SLC35F4: variants seen among roughly 807,000 people sequenced by gnomAD.
SLC35F4 encodes the protein solute carrier family 35 member F4, also known as chromosome 14 open reading frame 36.
SLC35F4 carries 24 observed loss-of-function variants against 44.2 expected under a neutral mutation model. The ratio of observed to expected loss-of-function variants is 0.54; its 90% CI spans 0.39 to 0.76. The LOEUF is 0.76. Among genes scored for constraint, SLC35F4 ranks in the 30% least tolerant of loss-of-function variants. The probability of loss-of-function intolerance (pLI) is 0.00; values close to 1 mark genes in which losing one functional copy is unlikely to be tolerated. For missense variants in SLC35F4, 562 were observed against 586.1 expected, an observed-to-expected ratio of 0.96 and a Z score of 0.42; for synonymous variants, 238 against 223.6, an observed-to-expected ratio of 1.06 and a Z score of -0.57.
chr14:57,916,450 G>A (rs1416428174), intron 1 of SLC35F4, among the ~76,000 whole-genome samples: 1 of 152,182 alleles, frequency 6.6e-6, no homozygotes, highest in Non-Finnish European at 1.5e-5. Context: ...ATATGCCCAA[G>A]TGTAGGATCT....
At chr14:57,797,410 A>C (rs529800489) in intron 1 of SLC35F4, among the ~76,000 whole-genome samples, 33 of 152,316 alleles carry the variant, frequency 2.2e-4, no homozygotes, top group Non-Finnish European at 4.0e-4. Context: ...GCTGGGTCAA[A>C]AGGGAAAGGA....
chr14:57,813,078 C>G (rs1256061002), intron 1 of SLC35F4, among the ~76,000 whole-genome samples: 1 of 152,126 alleles, frequency 6.6e-6, no homozygotes, highest in Non-Finnish European at 1.5e-5. Flanking sequence ...GAAACAGGCA[C>G]AGAGAGGCTA....
intron 1 of SLC35F4, among the ~76,000 whole-genome samples, chr14:57,915,246 C>T (rs770807294): frequency 6.6e-6 from 1 of 152,064 alleles, no homozygotes; most frequent in Non-Finnish European, 1.5e-5. Flanking sequence ...CCTTTTAGAG[C>T]TCTAGGCCTA....
chr14:57,626,495 G>A (rs576769125), intron 1 of SLC35F4, among the ~76,000 whole-genome samples: 1 of 152,142 alleles, frequency 6.6e-6, no homozygotes, highest in East Asian at 1.9e-4. Context: ...GGACATCTGG[G>A]GACTTCAGGA....
At chr14:57,942,854 C>G (rs1889938966) in intron 1 of SLC35F4, among the ~76,000 whole-genome samples, 1 of 152,146 alleles carries the variant, frequency 6.6e-6, no homozygotes, top group Admixed American at 6.6e-5. Context: ...CTAATCTGAC[C>G]TTTCCAACTG....
At chr14:57,807,246 G>C (rs1333200749) in intron 1 of SLC35F4, among the ~76,000 whole-genome samples, 1 of 152,064 alleles carries the variant, frequency 6.6e-6, no homozygotes, top group Non-Finnish European at 1.5e-5. Flanking sequence ...TTGAGAGCAT[G>C]AGTTCTCTCT....
rs75829591 is a variant in SLC35F4, at chr14:57,674,716, G to A, written c.104-80592C>T. Among the ~76,000 whole-genome samples, 23 of 152,112 alleles carry A rather than the reference G, an allele frequency of 1.5e-4. No individual in the cohort carries two copies. In the East Asian group the frequency reaches 4.3e-3, roughly 28 times the overall value. ...TTGGTAAAAGACATAAGACTCCTGG[G>A]TCAGAGAAAAAATGACTTTATTACT... On this transcript the variant is annotated intron_variant, in intron 1 of 7. Coordinates refer to ENST00000556826, the MANE Select transcript of SLC35F4 (RefSeq NM_001306087.2).
intron 1 of SLC35F4, among the ~76,000 whole-genome samples, chr14:57,617,419 C>T (rs1305426618): frequency 5.3e-5 from 8 of 151,836 alleles, no homozygotes; most frequent in Non-Finnish European, 1.0e-4. Context: ...CATGAGCCAC[C>T]GCGCCTGGCC....
At chr14:57,594,256 C>T in intron 1 of SLC35F4, 132 bp from the exon 2 acceptor site, 2 of 861,134 alleles carry the variant, frequency 2.3e-6, no homozygotes, top group Non-Finnish European at 1.7e-6. Context: ...GTGGTGTGAT[C>T]TCGAGTCACT....
intron 1 of SLC35F4, chr14:57,630,449 A>G (rs1404314982): frequency 5.2e-6 from 4 of 770,388 alleles, no homozygotes; most frequent in Non-Finnish European, 9.2e-6. Flanking sequence ...ATCACGGTCC[A>G]AGTCCCAGCC....
chr14:57,605,753 A>ACCATG (rs2071124376), intron 1 of SLC35F4, among the ~76,000 whole-genome samples: 1 of 152,282 alleles, frequency 6.6e-6, no homozygotes, highest in South Asian at 2.1e-4. Context: ...AAAGTGGTAC[A>ACCATG]GATACACCAT....
chr14:57,622,022 C>A (rs2072208720), intron 1 of SLC35F4, among the ~76,000 whole-genome samples: 1 of 151,162 alleles, frequency 6.6e-6, no homozygotes, highest in South Asian at 2.1e-4. Flanking sequence ...TGAACAGACA[C>A]TTCTCAAAAG....
intron 1 of SLC35F4, among the ~76,000 whole-genome samples, chr14:57,820,236 C>A (rs1278965048): frequency 6.6e-6 from 1 of 152,070 alleles, no homozygotes; most frequent in South Asian, 2.1e-4. Context: ...TACACACACA[C>A]AAAACATAAA....
intron 1 of SLC35F4, among the ~76,000 whole-genome samples, chr14:57,603,413 T>A (rs2070951852): frequency 6.6e-6 from 1 of 152,092 alleles, no homozygotes; most frequent in South Asian, 2.1e-4. Context: ...TTAGGGGGAG[T>A]TCCCCCTCCC....
chr14:57,954,187 T>C (rs1890194921), intron 1 of SLC35F4, among the ~76,000 whole-genome samples: 1 of 151,962 alleles, frequency 6.6e-6, no homozygotes, highest in Admixed American at 6.5e-5. Context: ...ACTGGGTAAA[T>C]AACAAAATTA....
At chr14:57,585,333 T>A (rs1305403490) in intron 3 of SLC35F4, among the ~76,000 whole-genome samples, 4 of 152,140 alleles carry the variant, frequency 2.6e-5, no homozygotes, top group African/African-American at 9.7e-5. Context: ...GGATGGAACG[T>A]ATCTATCTCA....
intron 1 of SLC35F4, among the ~76,000 whole-genome samples, chr14:57,906,052 C>G (rs965667891): frequency 6.6e-6 from 1 of 152,204 alleles, no homozygotes; most frequent in African/African-American, 2.4e-5. Flanking sequence ...CCAGAACACA[C>G]GTCTAGCACT....
intron 1 of SLC35F4, among the ~76,000 whole-genome samples, chr14:57,683,917 G>C (rs566994531): frequency 6.6e-6 from 1 of 152,154 alleles, no homozygotes; most frequent in East Asian, 1.9e-4. Flanking sequence ...CATAGGAGTG[G>C]CCATCTGATG....
chr14:57,725,616 C>G (rs2180806), intron 1 of SLC35F4, among the ~76,000 whole-genome samples: 60,433 of 152,020 alleles, frequency 0.4, 12,053 homozygotes, highest in Middle Eastern at 0.43. Context: ...GTCAGCTCAT[C>G]CTCATGGAAC....
Sources: allele counts gnomAD v4.1 joint callset (sites outside exome capture counted in the v4.1 genomes callset), GRCh38; gene constraint gnomAD v4.1.1; transcripts MANE v1.5; gene names NCBI Gene and HGNC (gene_info 2026-07-23, HGNC 2026-07-21).